The following GORASP2 variants were observed in gnomAD, a reference collection of about 807,000 sequenced individuals.
GORASP2 encodes the protein golgi reassembly stacking protein 2.
A neutral mutation model predicts 45.7 loss-of-function variants in GORASP2; 22 were observed. The ratio of observed to expected loss-of-function variants is 0.48; its 90% CI spans 0.34 to 0.69. GORASP2 has a LOEUF of 0.69. Among genes scored for constraint, GORASP2 ranks in the 30% least tolerant of loss-of-function variants. The probability of loss-of-function intolerance (pLI) is 0.01; values close to 1 mark genes in which losing one functional copy is unlikely to be tolerated. For synonymous variants in GORASP2, 221 were observed against 215.6 expected (o/e 1.02, Z -0.22); for missense variants, 491 against 562.7 (o/e 0.87, Z 1.29).
chr2:170,939,618 A>G (rs573560319), intron 1 of GORASP2, among the ~76,000 whole-genome samples: 1 of 152,354 alleles, frequency 6.6e-6, no homozygotes, highest in South Asian at 2.1e-4. Flanking sequence ...TATGCCTAGC[A>G]TATAAATTAA....
intron 1 of GORASP2, among the ~76,000 whole-genome samples, chr2:170,934,961 C>T (rs138767158): frequency 2.6e-5 from 4 of 152,320 alleles, no homozygotes; most frequent in Non-Finnish European, 2.9e-5. Flanking sequence ...TGGTCTCGAA[C>T]TGCTGACCTC....
chr2:170,943,866 G>A (rs1704128483), intron 1 of GORASP2, among the ~76,000 whole-genome samples: 2 of 152,012 alleles, frequency 1.3e-5, no homozygotes, highest in Admixed American at 1.3e-4. Flanking sequence ...TGTAGAGATG[G>A]AGTCTCACTT....
At chr2:170,963,005 GC>G in intron 9 of GORASP2, 59 bp downstream of exon 9, 1 of 1,104,460 alleles carries the variant, frequency 9.1e-7, no homozygotes, top group Non-Finnish European at 1.4e-6. Flanking sequence ...ATTCAGGAAT[GC>G]CCATCCTCTT....
At chr2:170,963,444 GCTGCTGCTC>G (rs1704614311) in intron 9 of GORASP2, among the ~76,000 whole-genome samples, 1 of 143,980 alleles carries the variant, frequency 6.9e-6, no homozygotes, top group South Asian at 2.2e-4. Flanking sequence ...TGCTGCTGCT[GCTGCTGCTC>G]CTCCTCCTCC....
At chr2:170,940,172 A>G (rs536572431) in intron 1 of GORASP2, among the ~76,000 whole-genome samples, 3 of 152,354 alleles carry the variant, frequency 2.0e-5, no homozygotes, top group Admixed American at 1.3e-4. Context: ...GATAATTTAC[A>G]TATCAGCCAG....
At chr2:170,954,495 GT>G in intron 5 of GORASP2, 154 bp from the exon 6 acceptor site, 1 of 613,422 alleles carries the variant, frequency 1.6e-6, no homozygotes, top group Non-Finnish European at 2.9e-6. Flanking sequence ...ATAGAAATTT[GT>G]TTGTTTTTAT....
intron 1 of GORASP2, among the ~76,000 whole-genome samples, chr2:170,943,015 C>G (rs1350416267): frequency 1.3e-5 from 2 of 152,176 alleles, no homozygotes; most frequent in African/African-American, 4.8e-5. Context: ...TGTCTTTTTA[C>G]TTTCTTAATT....
At chr2:170,960,627 C>A (rs922755364) in intron 7 of GORASP2, among the ~76,000 whole-genome samples, 8 of 152,320 alleles carry the variant, frequency 5.3e-5, no homozygotes, top group African/African-American at 1.7e-4. Flanking sequence ...AAAATTATAG[C>A]ATTGCTATTG....
Position 170,950,225 on chromosome 2 carries a change from G to GAAA in GORASP2, c.370_371insAAA (p.Ala124delinsGluThr). The GAAA allele has an allele frequency of 6.4e-7, 1 of 1,569,624 alleles. No individual in the cohort carries two copies. The highest frequency in any genetic ancestry group is 8.7e-7 in the Non-Finnish European group (1 of 1,147,330). On this transcript the variant is annotated protein_altering_variant, in exon 4 of 10. Transcript: ENST00000234160. ...CTAGGAGGTGGAATCAAATTCTCCT[G>GAAA]CAGCACTGGCAGGTCTTAGACCACA...
At chr2:170,949,979 T>A in intron 3 of GORASP2, 5 of 540,626 alleles carry the variant, frequency 9.2e-6, no homozygotes, top group South Asian at 8.7e-5. Context: ...ATAAGATGTG[T>A]TAGAGTAGAT....
At chr2:170,963,489 GC>G (rs1434590529) in intron 9 of GORASP2, among the ~76,000 whole-genome samples, 1 of 26,436 alleles carries the variant, frequency 3.8e-5, no homozygotes, top group Non-Finnish European at 8.4e-5. Context: ...TCCTCCTCCC[GC>G]CCCCCTCCCC....
Position 170,966,456 on chromosome 2 carries a change from G to A in GORASP2, c.*326G>A, listed in dbSNP as rs1704690204. On this transcript the variant is annotated 3_prime_UTR_variant, in exon 10 of 10. Transcript: ENST00000234160. ...TGGCGGGGCGTCCACTAGGTTTCCT[G>A]TCCCCTGCTGCTCCTTCCGTAAGAA... 2.4e-6 allele frequency: 1 copy of A among 418,384 alleles called. No homozygotes were observed. Among genetic ancestry groups the A allele is most frequent in the Non-Finnish European group, 4.4e-6 (1 of 229,676 alleles). 25.9% of individuals were successfully genotyped at this position (418,384 alleles called of 1,614,324 possible).
At chr2:170,956,968 G>A (rs1704440354) in intron 7 of GORASP2, among the ~76,000 whole-genome samples, 1 of 152,136 alleles carries the variant, frequency 6.6e-6, no homozygotes, top group South Asian at 2.1e-4. Context: ...AAAAATTAAT[G>A]CCAGTGTACC....
intron 1 of GORASP2, among the ~76,000 whole-genome samples, chr2:170,934,797 G>A (rs985797647): frequency 6.6e-6 from 1 of 151,938 alleles, no homozygotes; most frequent in Admixed American, 6.5e-5. Context: ...GAGTGCAGTT[G>A]TGCAATCTCA....
intron 5 of GORASP2, among the ~76,000 whole-genome samples, chr2:170,953,070 G>C (rs937839475): frequency 6.6e-6 from 1 of 152,144 alleles, no homozygotes; most frequent in Non-Finnish European, 1.5e-5. Flanking sequence ...TAAAGGAGGA[G>C]CTAGGCCTGG....
Position 170,929,382 on chromosome 2 carries a change from C to G in GORASP2, c.42C>G (p.Thr14=), listed in dbSNP as rs776090665. 2.1e-6 allele frequency: 3 copies of G among 1,418,734 alleles called. No individual in the cohort carries two copies. In the East Asian group the frequency reaches 8.7e-5, roughly 41 times the overall value. The allele number at this position is 1,418,734 out of a possible 1,614,324, so 87.9% of individuals were successfully genotyped here. A position where few individuals can be genotyped will look rare whatever the true frequency, so the allele number is the denominator to read the frequency against. Residue 14 remains threonine (T), a synonymous_variant, in exon 1 of 10, where the codon ACC becomes ACG. Transcript: ENST00000234160. The part of the protein sequence containing the change: ...SQSVEIPGGG[T]EGYHVLRVQE... ...GCGTCGAGATCCCGGGCGGGGGCACCGAGGGCTACCACGTTCTGCGGGTAA... is the reference window on the plus strand; with the variant it reads ...GCGTCGAGATCCCGGGCGGGGGCACGGAGGGCTACCACGTTCTGCGGGTAA...
At chr2:170,958,679 A>ATT (rs1442929840) in intron 7 of GORASP2, among the ~76,000 whole-genome samples, 7 of 145,594 alleles carry the variant, frequency 4.8e-5, no homozygotes, top group African/African-American at 1.8e-4. Flanking sequence ...TTTTTTAAAA[A>ATT]AAAAAAAAAC....
At chr2:170,952,218 G>A (rs527311200) in intron 5 of GORASP2, among the ~76,000 whole-genome samples, 7 of 152,206 alleles carry the variant, frequency 4.6e-5, no homozygotes, top group Non-Finnish European at 8.8e-5. Context: ...AATCAAACTG[G>A]AGGAAGAGAT....
At chr2:170,946,374 A>G (rs1704182574) in intron 1 of GORASP2, among the ~76,000 whole-genome samples, 1 of 152,196 alleles carries the variant, frequency 6.6e-6, no homozygotes, top group Non-Finnish European at 1.5e-5. Context: ...TTTTGGAAAA[A>G]AAATGTGGAG....
Sources: gnomAD v4.1 joint callset for allele counts (sites outside exome capture counted in the v4.1 genomes callset) on GRCh38, gnomAD v4.1.1 for gene constraint, MANE v1.5 for transcripts, NCBI Gene and HGNC (gene_info 2026-07-23, HGNC 2026-07-21) for gene names.